The following SLC9D1 variants were observed in gnomAD, a reference collection of about 807,000 sequenced individuals.
SLC9D1 encodes the protein putative LAG1-interacting protein.
At chr13:113,526,493 A>G in the SLC9D1 span, among the ~76,000 whole-genome samples, 1 of 151,740 alleles carries the variant, frequency 6.6e-6, no homozygotes, top group African/African-American at 2.4e-5. Flanking sequence ...CCAAGGCGGG[A>G]GGATTGCTTG....
At chr13:113,499,797 T>C in the SLC9D1 span, among the ~76,000 whole-genome samples, 1 of 152,236 alleles carries the variant, frequency 6.6e-6, no homozygotes, top group African/African-American at 2.4e-5. Context: ...ATCCTAAACC[T>C]ATCCATTCTT....
the SLC9D1 span, chr13:113,499,844 A>T: frequency 1.9e-6 from 1 of 535,564 alleles, no homozygotes; most frequent in Non-Finnish European, 3.0e-6. Flanking sequence ...GTCCTAATTC[A>T]CTGCTAATGA....
At chr13:113,502,377 C>G in the SLC9D1 span, among the ~76,000 whole-genome samples, 3 of 152,074 alleles carry the variant, frequency 2.0e-5, no homozygotes, top group African/African-American at 7.2e-5. Context: ...CCACACCTGG[C>G]TAATTTTTTG....
chr13:113,509,563 C>T, the SLC9D1 span, among the ~76,000 whole-genome samples: 6 of 152,142 alleles, frequency 3.9e-5, no homozygotes, highest in African/African-American at 1.4e-4. Context: ...CCTTCTAGGG[C>T]CCCCACCCCA....
At chr13:113,491,766 G>C in the SLC9D1 span, among the ~76,000 whole-genome samples, 1 of 152,334 alleles carries the variant, frequency 6.6e-6, no homozygotes, top group Non-Finnish European at 1.5e-5. Context: ...CCTGTCCCTG[G>C]CCCCCCTCCT....
the SLC9D1 span, chr13:113,549,962 A>G: frequency 2.7e-6 from 1 of 374,288 alleles, no homozygotes; most frequent in Non-Finnish European, 4.8e-6. Flanking sequence ...GTTATTAAAC[A>G]TTTCTGTAAT....
At chr13:113,515,883 T>C in the SLC9D1 span, among the ~76,000 whole-genome samples, 12 of 93,598 alleles carry the variant, frequency 1.3e-4, no homozygotes, top group Admixed American at 1.3e-3. Context: ...AGAGCGAGAC[T>C]CCGTCCCAAA....
chr13:113,534,228 CTTAATG>C, the SLC9D1 span: 1 of 1,612,530 alleles, frequency 6.2e-7, no homozygotes, highest in Non-Finnish European at 8.5e-7. Context: ...CCTTTATCTT[CTTAATG>C]TTAACGGTAA....
the SLC9D1 span, chr13:113,514,432 A>G: frequency 6.6e-6 from 1 of 152,258 alleles, no homozygotes; most frequent in African/African-American, 2.4e-5. Context: ...ACAAAAAGGA[A>G]GACATGAGCC....
the SLC9D1 span, among the ~76,000 whole-genome samples, chr13:113,517,388 A>G: frequency 5.9e-5 from 9 of 152,124 alleles, no homozygotes; most frequent in South Asian, 2.1e-4. Flanking sequence ...GCCCGCCACC[A>G]CGCCCGGCTA....
At chr13:113,517,490 A>G in the SLC9D1 span, among the ~76,000 whole-genome samples, 143 of 152,262 alleles carry the variant, frequency 9.4e-4, no homozygotes, top group Non-Finnish European at 1.6e-3. Flanking sequence ...GGCCTCCCAA[A>G]GTGCTGGGAT....
At chr13:113,491,789 G>A in the SLC9D1 span, among the ~76,000 whole-genome samples, 1 of 152,206 alleles carries the variant, frequency 6.6e-6, no homozygotes, top group Non-Finnish European at 1.5e-5. Flanking sequence ...GACTCCTAAC[G>A]GCTCCTCACG....
the SLC9D1 span, among the ~76,000 whole-genome samples, chr13:113,548,993 A>G: frequency 1.3e-5 from 2 of 152,154 alleles, no homozygotes; most frequent in Non-Finnish European, 2.9e-5. Flanking sequence ...CCGCATCCCC[A>G]GGGTCAGGGA....
At chr13:113,513,190 G>T in the SLC9D1 span, among the ~76,000 whole-genome samples, 2 of 152,172 alleles carry the variant, frequency 1.3e-5, no homozygotes, top group Non-Finnish European at 2.9e-5. Context: ...AACGTCAGAT[G>T]GTGGGAGATA....
At chr13:113,523,583 C>T in the SLC9D1 span, among the ~76,000 whole-genome samples, 39 of 152,230 alleles carry the variant, frequency 2.6e-4, no homozygotes, top group Admixed American at 3.9e-4. Context: ...CCAAAGAATT[C>T]GTTCCTTGTT....
At chr13:113,495,231 GC>G in the SLC9D1 span, among the ~76,000 whole-genome samples, 4 of 151,924 alleles carry the variant, frequency 2.6e-5, no homozygotes, top group Non-Finnish European at 4.4e-5. Context: ...AGGCTGCGTC[GC>G]CCCCCAAAAA....
At chr13:113,543,809 G>T in the SLC9D1 span, among the ~76,000 whole-genome samples, 1 of 151,928 alleles carries the variant, frequency 6.6e-6, no homozygotes, top group Admixed American at 6.5e-5. Flanking sequence ...TGCTTGCCTT[G>T]TCTTCAAACT....
the SLC9D1 span, among the ~76,000 whole-genome samples, chr13:113,506,796 T>TAAATA: frequency 7.8e-4 from 119 of 152,276 alleles, 1 homozygote; most frequent in African/African-American, 2.7e-3. Context: ...TATTCACAGT[T>TAAATA]AAATAAAAAA....
At chr13:113,498,265 A>G in the SLC9D1 span, 3 of 1,115,730 alleles carry the variant, frequency 2.7e-6, no homozygotes, top group Non-Finnish European at 3.7e-6. Context: ...TTGACAAAGC[A>G]GGAGGATTGA....
Sources: allele counts gnomAD v4.1 joint callset (sites outside exome capture counted in the v4.1 genomes callset), GRCh38; gene constraint gnomAD v4.1.1; transcripts MANE v1.5; gene names NCBI Gene and HGNC (gene_info 2026-07-23, HGNC 2026-07-21).